Variants in NCEH1 observed in about 807,000 individuals in gnomAD.
NCEH1 encodes the protein 2-acetyl MAGE hydrolase.
NCEH1 carries 9 observed loss-of-function variants against 25.4 expected under a neutral mutation model. The ratio of observed to expected loss-of-function variants is 0.35; its 90% confidence interval spans 0.21 to 0.62. The LOEUF (loss-of-function observed/expected upper bound fraction) is 0.62, where lower values mean the gene tolerates loss of function less well. Among genes scored for constraint, NCEH1 ranks in the 20% least tolerant of loss-of-function variants. The pLI is 0.72. For missense variants in NCEH1, 412 were observed against 501.1 expected, an observed-to-expected ratio of 0.82 and a Z score of 1.70; for synonymous variants, 200 against 199.8, an observed-to-expected ratio of 1.00 and a Z score of -0.01.
intron 1 of NCEH1, among the ~76,000 whole-genome samples, chr3:172,660,439 T>G (rs1476572311): frequency 6.6e-6 from 1 of 152,158 alleles, no homozygotes; most frequent in Non-Finnish European, 1.5e-5. Context: ...TAAACATACA[T>G]GTGCATGTGT....
intron 3 of NCEH1, among the ~76,000 whole-genome samples, chr3:172,643,072 G>A (rs1204048481): frequency 6.6e-6 from 1 of 152,086 alleles, no homozygotes; most frequent in African/African-American, 2.4e-5. Flanking sequence ...CCCAGTAGCT[G>A]GGATTACAGG....
chr3:172,710,330 T>G (rs1714228064), intron 1 of NCEH1, among the ~76,000 whole-genome samples: 1 of 152,206 alleles, frequency 6.6e-6, no homozygotes, highest in African/African-American at 2.4e-5. Context: ...TGGAGAGCCC[T>G]GCCTGCTGTC....
intron 1 of NCEH1, among the ~76,000 whole-genome samples, chr3:172,700,333 A>C (rs1713611318): frequency 6.6e-6 from 1 of 152,206 alleles, no homozygotes; most frequent in Non-Finnish European, 1.5e-5. Context: ...AAAAATAAGA[A>C]GAAGCACTGA....
chr3:172,634,604 A>G (rs1472739622), intron 4 of NCEH1, among the ~76,000 whole-genome samples: 1 of 152,188 alleles, frequency 6.6e-6, no homozygotes, highest in African/African-American at 2.4e-5. Context: ...CAGAATTTAA[A>G]TAGTTCTGGC....
rs1289956257 is a variant in NCEH1 at position 172,647,885 on chromosome 3, C to T, written c.367+1G>A. 4 of 1,614,188 alleles carry T rather than the reference C, an allele frequency of 2.5e-6. No homozygotes were observed. The highest frequency in any genetic ancestry group is 1.7e-5 in the Admixed American group (1 of 60,020). ...ACCATCTGAAGGTGACCAGGACGCA[C>T]TTGCACTTGCCAAGGCCCAGCCTCC... On this transcript the variant is annotated splice_donor_variant, in intron 2 of 4. Coordinates refer to ENST00000475381, the MANE Select transcript of NCEH1 (RefSeq NM_020792.6). LOFTEE classifies it high-confidence loss of function.
At chr3:172,666,789 G>A (rs1271355663) in intron 1 of NCEH1, among the ~76,000 whole-genome samples, 1 of 152,130 alleles carries the variant, frequency 6.6e-6, no homozygotes, top group Non-Finnish European at 1.5e-5. Flanking sequence ...CTCTGTCTGC[G>A]ATCTCTTACT....
chr3:172,689,780 A>T (rs1039338688), intron 1 of NCEH1, among the ~76,000 whole-genome samples: 16 of 151,796 alleles, frequency 1.1e-4, no homozygotes, highest in Middle Eastern at 3.4e-3. Flanking sequence ...GTAAAATTGG[A>T]AAGACTGAGA....
chr3:172,679,006 G>A (rs1464306347), intron 1 of NCEH1, among the ~76,000 whole-genome samples: 47 of 152,208 alleles, frequency 3.1e-4, no homozygotes, highest in Admixed American at 2.8e-3. Flanking sequence ...ATAACCTGAC[G>A]CATCCACCCT....
intron 1 of NCEH1, among the ~76,000 whole-genome samples, chr3:172,693,248 T>C (rs1162240395): frequency 1.3e-5 from 2 of 152,306 alleles, no homozygotes; most frequent in East Asian, 3.9e-4. Flanking sequence ...ATCATTTTCC[T>C]CCATAAACAG....
intron 3 of NCEH1, among the ~76,000 whole-genome samples, chr3:172,638,885 CA>C (rs1031270092): frequency 6.6e-6 from 1 of 152,196 alleles, no homozygotes; most frequent in Admixed American, 6.5e-5. Context: ...TGCTTAAAAA[CA>C]AACAGGTTAT....
intron 1 of NCEH1, among the ~76,000 whole-genome samples, chr3:172,650,843 A>G (rs1717369129): frequency 6.6e-6 from 1 of 150,656 alleles, no homozygotes; most frequent in African/African-American, 2.4e-5. Context: ...AAAAGGGACA[A>G]TTTGTTTATG....
At chr3:172,646,744 G>A (rs1446406508) in intron 2 of NCEH1, among the ~76,000 whole-genome samples, 1 of 152,186 alleles carries the variant, frequency 6.6e-6, no homozygotes, top group Non-Finnish European at 1.5e-5. Context: ...AGGCCAGGCT[G>A]ACTCTTGTAA....
intron 1 of NCEH1, among the ~76,000 whole-genome samples, chr3:172,681,619 T>C (rs1304308178): frequency 6.6e-6 from 1 of 151,638 alleles, no homozygotes; most frequent in African/African-American, 2.4e-5. Context: ...GCCAGGTGCG[T>C]TGGCTCACAC....
chr3:172,708,267 C>T (rs1714114494), intron 1 of NCEH1, among the ~76,000 whole-genome samples: 1 of 152,242 alleles, frequency 6.6e-6, no homozygotes, highest in Admixed American at 6.5e-5. Context: ...AGCTTAATCT[C>T]TCAAACAGCT....
intron 1 of NCEH1, among the ~76,000 whole-genome samples, chr3:172,650,336 C>A (rs71310519): frequency 2.0e-5 from 3 of 151,952 alleles, no homozygotes; most frequent in African/African-American, 7.3e-5. Flanking sequence ...GACCCCATCT[C>A]TACTAAAAAT....
intron 4 of NCEH1, among the ~76,000 whole-genome samples, chr3:172,634,377 T>C (rs776558564): frequency 6.6e-6 from 1 of 152,232 alleles, no homozygotes; most frequent in Non-Finnish European, 1.5e-5. Flanking sequence ...TTAAGACACC[T>C]AGGTATTATG....
intron 1 of NCEH1, among the ~76,000 whole-genome samples, chr3:172,707,730 A>T (rs920650965): frequency 2.0e-5 from 3 of 151,936 alleles, no homozygotes; most frequent in African/African-American, 7.3e-5. Context: ...GGACTACAGG[A>T]GCCTGCCACC....
intron 1 of NCEH1, among the ~76,000 whole-genome samples, chr3:172,688,942 G>T (rs1012695464): frequency 1.3e-5 from 2 of 152,190 alleles, no homozygotes; most frequent in Non-Finnish European, 2.9e-5. Context: ...TTCAGAGCAC[G>T]TAAATGTCTT....
At chr3:172,689,256 T>TA (rs1427416797) in intron 1 of NCEH1, among the ~76,000 whole-genome samples, 9 of 143,360 alleles carry the variant, frequency 6.3e-5, no homozygotes, top group African/African-American at 2.1e-4. Flanking sequence ...AGTAACTTTT[T>TA]TTTTTTTTTT....
Sources: allele counts gnomAD v4.1 joint callset (sites outside exome capture counted in the v4.1 genomes callset), GRCh38; gene constraint gnomAD v4.1.1; transcripts MANE v1.5; gene names NCBI Gene and HGNC (gene_info 2026-07-23, HGNC 2026-07-21).